KDELR3: variants seen among roughly 807,000 people sequenced by gnomAD.
The protein encoded by KDELR3 is KDEL endoplasmic reticulum protein retention receptor 3, also known as ER lumen protein-retaining receptor 3.
A neutral mutation model predicts 22.7 loss-of-function variants in KDELR3; 26 were observed. That is an observed-to-expected ratio of 1.15 (90% CI 0.84 to 1.59). The LOEUF (loss-of-function observed/expected upper bound fraction) is 1.59. Ranked by LOEUF, KDELR3 falls within the 40% of genes most tolerant of loss-of-function variation. The pLI is 0.00. For synonymous variants in KDELR3, 120 were observed against 98.2 expected (o/e 1.22, Z -1.31); for missense variants, 289 against 251.1 (o/e 1.15, Z -1.02).
chr22:38,469,296 G>C (rs1190955816), intron 1 of KDELR3, among the ~76,000 whole-genome samples: 2 of 152,224 alleles, frequency 1.3e-5, no homozygotes, highest in Non-Finnish European at 2.9e-5. Flanking sequence ...GATGAGTCCA[G>C]GAGGGAGGCT....
At chr22:38,482,357 T>C (rs2089609650) in intron 4 of KDELR3, 139 bp from the exon 5 acceptor site, 1 of 698,604 alleles carries the variant, frequency 1.4e-6, no homozygotes, top group Non-Finnish European at 2.5e-6. Flanking sequence ...CAACCGGAGA[T>C]GGACTCCCCC....
Position 38,481,423 on chromosome 22 carries a change from C to T in KDELR3, c.563C>T (p.Thr188Ile), listed in dbSNP as rs2089599510. The change falls in exon 4 of 5, where the codon ACC (threonine) becomes ATC (isoleucine). Residue 188 changes from threonine to isoleucine, a missense_variant. By Grantham distance (89) the Thr-to-Ile change is moderately conservative. Transcript: ENST00000216014. Reference protein sequence around the residue: ...QIAVVSGVVQTIFYCDFFYLY... With the variant: ...QIAVVSGVVQIIFYCDFFYLY... ...GCAGTCGTGTCTGGAGTAGTACAAACCATCTTCTACTGTGACTTCTTCTAC... is the reference window on the plus strand; with the variant it reads ...GCAGTCGTGTCTGGAGTAGTACAAATCATCTTCTACTGTGACTTCTTCTAC... The T allele has an allele frequency of 6.2e-7, 1 of 1,613,972 alleles. No individual in the cohort carries two copies. Among genetic ancestry groups the T allele is most frequent in the African/African-American group, 1.3e-5 (1 of 74,888 alleles).
intron 4 of KDELR3, 96 bp from the exon 5 acceptor site, chr22:38,482,400 C>T (rs1392264996): frequency 8.0e-6 from 8 of 995,420 alleles, no homozygotes; most frequent in African/African-American, 3.2e-5. Flanking sequence ...TACTGTGAGC[C>T]GGCCATTAAG....
At chr22:38,478,963 C>A (rs1384337419) in intron 2 of KDELR3, among the ~76,000 whole-genome samples, 2 of 151,976 alleles carry the variant, frequency 1.3e-5, no homozygotes, top group Non-Finnish European at 2.9e-5. Flanking sequence ...TTTTGATGCA[C>A]ACTCATTTGA....
At chr22:38,480,613 C>A (rs944486990) in intron 3 of KDELR3, among the ~76,000 whole-genome samples, 1 of 151,620 alleles carries the variant, frequency 6.6e-6, no homozygotes, top group East Asian at 1.9e-4. Context: ...ATTAGCCGAG[C>A]GTGGTGGCAG....
At chr22:38,479,502 C>A in intron 2 of KDELR3, 91 bp from the exon 3 acceptor site, 2 of 1,218,232 alleles carry the variant, frequency 1.6e-6, no homozygotes, top group Non-Finnish European at 2.4e-6. Context: ...TGGCAGAACA[C>A]TGACCCTTAG....
At position 38,481,068 on chromosome 22, in the gene KDELR3, TTAAAA is replaced by T. The variant is rs1211072221; in HGVS notation, c.352-141_352-137del. 3.0e-5 allele frequency: 23 copies of T among 755,146 alleles called. 1 individual carries two copies. The highest frequency in any genetic ancestry group is 2.9e-4 in the South Asian group (16 of 55,048). The allele number at this position is 755,146 out of a possible 1,614,324, so 46.8% of individuals were successfully genotyped here. ...ACCTAGAGATGGTAGGTTAAACTGA[TTAAAA>T]TATTATAATTTTTATTGAGAACTTT... is the stretch of plus-strand genomic sequence containing the variant. On this transcript the variant is annotated intron_variant, in intron 3 of 4. Coordinates refer to ENST00000216014, the MANE Select transcript of KDELR3 (RefSeq NM_006855.4).
chr22:38,474,454 G>A, intron 1 of KDELR3, 69 bp from the exon 2 acceptor site: 1 of 1,252,314 alleles, frequency 8.0e-7, no homozygotes, highest in Non-Finnish European at 1.2e-6. Flanking sequence ...TCCAGGCTGT[G>A]CACCTCTTGA....
chr22:38,474,338 T>G (rs776694960), intron 1 of KDELR3, 185 bp from the exon 2 acceptor site: 7 of 555,538 alleles, frequency 1.3e-5, no homozygotes, highest in Non-Finnish European at 2.2e-5. Context: ...GAACGACGAC[T>G]CAAGTGATCC....
intron 1 of KDELR3, among the ~76,000 whole-genome samples, chr22:38,473,007 G>A (rs987670425): frequency 2.0e-5 from 3 of 152,022 alleles, no homozygotes; most frequent in Admixed American, 6.6e-5. Context: ...GCCCAAATAC[G>A]ATGTTAACAC....
chr22:38,471,325 G>A (rs1280572835), intron 1 of KDELR3, among the ~76,000 whole-genome samples: 1 of 152,188 alleles, frequency 6.6e-6, no homozygotes, highest in Non-Finnish European at 1.5e-5. Context: ...AGTCCTTCGT[G>A]GGGCTGAGGG....
rs1484929354 is a variant in KDELR3 at position 38,482,969 on chromosome 22, A to AGAT, written c.*436_*438dup. ...TCTTGTGAATTTCCACTTTCCAGGT[A>AGAT]GATGACCAAATTTAGGTGGTCAAGA... On this transcript the variant is annotated 3_prime_UTR_variant, in exon 5 of 5. Coordinates refer to ENST00000216014, the MANE Select transcript of KDELR3 (RefSeq NM_006855.4). The AGAT allele has an allele frequency of 6.2e-6, 1 of 161,822 alleles. No individual in the cohort carries two copies. Among genetic ancestry groups the AGAT allele is most frequent in the Non-Finnish European group, 1.3e-5 (1 of 74,740 alleles). The allele number at this position is 161,822 out of a possible 1,614,324, so 10.0% of individuals were successfully genotyped here. A position where few individuals can be genotyped will look rare whatever the true frequency, so the allele number is the denominator to read the frequency against.
In KDELR3 at chr22:38,482,599, T is replaced by C; in HGVS notation, c.*63T>C. The C allele has an allele frequency of 7.2e-7, 1 of 1,383,262 alleles. No individual in the cohort carries two copies. Among genetic ancestry groups the C allele is most frequent in the Non-Finnish European group, 1.0e-6 (1 of 976,470 alleles). 85.7% of individuals were successfully genotyped at this position (1,383,262 alleles called of 1,614,324 possible). A position where few individuals can be genotyped will look rare whatever the true frequency, so the allele number is the denominator to read the frequency against. On this transcript the variant is annotated 3_prime_UTR_variant, in exon 5 of 5. Coordinates refer to ENST00000216014, the MANE Select transcript of KDELR3 (RefSeq NM_006855.4). ...GAAGGAAACTATTTTGAATGTTCTC[T>C]TTGGCAACTTATCCATAATTTGGGA...
chr22:38,471,485 G>A (rs1043678150), intron 1 of KDELR3, among the ~76,000 whole-genome samples: 1 of 152,192 alleles, frequency 6.6e-6, no homozygotes, highest in Non-Finnish European at 1.5e-5. Context: ...GCACGTGCGC[G>A]CGTGCTAGAC....
rs2089611201 is a variant in KDELR3, at chr22:38,482,496, TC to T, written c.607del (p.Lys204ArgfsTer5). 1.9e-6 allele frequency: 3 copies of T among 1,611,272 alleles called. No homozygotes were observed. Among genetic ancestry groups the T allele is most frequent in the African/African-American group, 1.3e-5 (1 of 74,862 alleles). The part of the protein sequence containing the change: ...CDFFYLYVTK[V>X]LKGKKLSLPM... ...TTATTTCATCTCCATTTTCTTCCAG[TC>T]CTTAAGGGAAAGAAGTTAAGTCTTC... On this transcript the variant is annotated frameshift_variant and splice_region_variant, in exon 5 of 5. Transcript: ENST00000216014. LOFTEE classifies it high-confidence loss of function.
chr22:38,474,009 T>C (rs972616114), intron 1 of KDELR3, among the ~76,000 whole-genome samples: 3 of 152,164 alleles, frequency 2.0e-5, no homozygotes, highest in African/African-American at 7.2e-5. Flanking sequence ...AAAGGCTTTT[T>C]AAATCTTACA....
At chr22:38,479,493 G>A in intron 2 of KDELR3, 100 bp from the exon 3 acceptor site, 1 of 1,101,958 alleles carries the variant, frequency 9.1e-7, no homozygotes, top group Non-Finnish European at 1.3e-6. Context: ...GTTACATTAT[G>A]GCAGAACACT....
intron 1 of KDELR3, among the ~76,000 whole-genome samples, chr22:38,470,016 C>T (rs1023252583): frequency 1.3e-5 from 2 of 151,836 alleles, no homozygotes; most frequent in Non-Finnish European, 2.9e-5. Flanking sequence ...GACGGGGTTT[C>T]GCCATGTTGG....
Position 38,481,469 on chromosome 22 carries a change from G to A in KDELR3, c.604+5G>A. On this transcript the variant is annotated splice_donor_5th_base_variant and intron_variant, in intron 4 of 4. Coordinates refer to ENST00000216014, the MANE Select transcript of KDELR3 (RefSeq NM_006855.4). ...TCTACTTGTATGTGACCAAAGGTAGGTCCTGGGATGACAGCAATGCTGACA... is the reference window on the plus strand; with the variant it reads ...TCTACTTGTATGTGACCAAAGGTAGATCCTGGGATGACAGCAATGCTGACA... The A allele has an allele frequency of 6.2e-7, 1 of 1,614,138 alleles. No individual in the cohort carries two copies. The highest frequency in any genetic ancestry group is 8.5e-7 in the Non-Finnish European group (1 of 1,180,034).
Sources: gnomAD v4.1 joint callset for allele counts (sites outside exome capture counted in the v4.1 genomes callset) on GRCh38, gnomAD v4.1.1 for gene constraint, MANE v1.5 for transcripts, NCBI Gene and HGNC (gene_info 2026-07-23, HGNC 2026-07-21) for gene names.